The following PPARGC1A variants were observed in gnomAD, a reference collection of about 807,000 sequenced individuals.
PPARGC1A encodes the protein PPARG coactivator 1 alpha, also known as peroxisome proliferator-activated receptor gamma coactivator 1-alpha.
PPARGC1A carries 25 observed loss-of-function variants against 88.7 expected under a neutral mutation model. That is an observed-to-expected ratio of 0.28 (90% CI 0.21 to 0.39). The LOEUF is 0.39. PPARGC1A is among the 10% of genes least tolerant of loss of function. The probability of loss-of-function intolerance (pLI) is 1.00; values close to 1 mark genes in which losing one functional copy is unlikely to be tolerated. For synonymous variants in PPARGC1A, 363 were observed against 355.6 expected (o/e 1.02, Z -0.24); for missense variants, 880 against 968.7 (o/e 0.91, Z 1.22).
the PPARGC1A span, among the ~76,000 whole-genome samples, chr4:23,998,073 G>A: frequency 6.6e-6 from 1 of 152,126 alleles, no homozygotes; most frequent in East Asian, 1.9e-4. Flanking sequence ...TGGCTAATAC[G>A]ACCTCAGTTC....
rs564696082 is a variant in PPARGC1A, at chr4:23,832,341, C to T, written c.235-590G>A. On this transcript the variant is annotated intron_variant, in intron 2 of 12. Transcript: ENST00000264867. ...CTCTCCCAACTTTAGTCATAAATCT[C>T]GAACTGCCTACTGGACACTTCTACT... Among the ~76,000 whole-genome samples the T allele has an allele frequency of 4.6e-5, 7 of 152,240 alleles. No homozygotes were observed. The East Asian group carries it at 1.2e-3, about 25-fold the overall frequency.
At chr4:24,443,941 T>C in the PPARGC1A span, among the ~76,000 whole-genome samples, 1 of 152,198 alleles carries the variant, frequency 6.6e-6, no homozygotes, top group Non-Finnish European at 1.5e-5. Flanking sequence ...AAGAGTCTAC[T>C]ACACTTGCCC....
At chr4:23,844,307 C>CGTATT (rs1383963401) in intron 2 of PPARGC1A, among the ~76,000 whole-genome samples, 2 of 40,238 alleles carry the variant, frequency 5.0e-5, no homozygotes, top group South Asian at 1.7e-3. Flanking sequence ...TACATGACAA[C>CGTATT]ATATTATATT....
At chr4:24,150,537 A>C in the PPARGC1A span, among the ~76,000 whole-genome samples, 1 of 152,154 alleles carries the variant, frequency 6.6e-6, no homozygotes, top group Non-Finnish European at 1.5e-5. Context: ...ACTCCTTTGA[A>C]ATATTACAAC....
intron 2 of PPARGC1A, among the ~76,000 whole-genome samples, chr4:23,832,410 T>A (rs1284242019): frequency 1.3e-5 from 2 of 152,092 alleles, no homozygotes; most frequent in Admixed American, 1.3e-4. Context: ...TCTATACCTT[T>A]CACAACAAAA....
the PPARGC1A span, among the ~76,000 whole-genome samples, chr4:24,469,524 C>A: frequency 6.6e-6 from 1 of 152,164 alleles, no homozygotes; most frequent in South Asian, 2.1e-4. Context: ...CATACCACAC[C>A]ACTGGAAGAA....
chr4:24,088,363 A>AAAAAAAG, the PPARGC1A span, among the ~76,000 whole-genome samples: 1 of 152,082 alleles, frequency 6.6e-6, no homozygotes, highest in African/African-American at 2.4e-5. Context: ...TGCTATCTAA[A>AAAAAAAG]AAAAAAGAAA....
the PPARGC1A span, among the ~76,000 whole-genome samples, chr4:24,453,437 G>A: frequency 6.6e-6 from 1 of 152,232 alleles, no homozygotes; most frequent in Non-Finnish European, 1.5e-5. Flanking sequence ...AAAGGAGAAG[G>A]AAAGCAAGAG....
chr4:23,948,908 T>G, the PPARGC1A span, among the ~76,000 whole-genome samples: 1 of 152,084 alleles, frequency 6.6e-6, no homozygotes, highest in Non-Finnish European at 1.5e-5. Flanking sequence ...CTGAATGGGC[T>G]TCTTCCTCAA....
chr4:24,471,926 G>A, the PPARGC1A span, among the ~76,000 whole-genome samples: 6 of 152,212 alleles, frequency 3.9e-5, no homozygotes, highest in Non-Finnish European at 8.8e-5. The surrounding 1 kb of genome is among the most constrained non-coding windows in gnomAD (Gnocchi z 5.4). Context: ...GTGGAGGGGG[G>A]ACAGCACGTC....
At chr4:23,902,812 T>C (rs1376319792), upstream of PPARGC1A, among the ~76,000 whole-genome samples, 4 of 152,224 alleles carry the variant, frequency 2.6e-5, no homozygotes, top group African/African-American at 9.6e-5. Context: ...GCATTTATAA[T>C]GTAGCTTTAG....
the PPARGC1A span, among the ~76,000 whole-genome samples, chr4:24,199,851 A>G: frequency 6.6e-6 from 1 of 152,142 alleles, no homozygotes; most frequent in African/African-American, 2.4e-5. Context: ...CAGTCAAGCC[A>G]TTTCACTTCT....
the PPARGC1A span, among the ~76,000 whole-genome samples, chr4:24,094,146 G>GCA: frequency 6.6e-6 from 1 of 152,126 alleles, no homozygotes; most frequent in African/African-American, 2.4e-5. Flanking sequence ...TAACACAGAG[G>GCA]CAGACAGGAA....
the PPARGC1A span, among the ~76,000 whole-genome samples, chr4:24,242,172 C>G: frequency 6.6e-6 from 1 of 152,184 alleles, no homozygotes. Context: ...ACCTCCACAC[C>G]ACAGCCGAGT....
the PPARGC1A span, among the ~76,000 whole-genome samples, chr4:24,459,706 C>A: frequency 2.0e-5 from 3 of 152,186 alleles, no homozygotes; most frequent in Non-Finnish European, 4.4e-5. Context: ...GGGAGACTTG[C>A]TTGAGCCCCA....
chr4:24,128,091 C>T, the PPARGC1A span, among the ~76,000 whole-genome samples: 1 of 152,104 alleles, frequency 6.6e-6, no homozygotes, highest in Admixed American at 6.5e-5. Context: ...TATATATCTG[C>T]GGAAAGGAGG....
chr4:24,120,518 G>A, the PPARGC1A span, among the ~76,000 whole-genome samples: 1 of 152,158 alleles, frequency 6.6e-6, no homozygotes, highest in Non-Finnish European at 1.5e-5. Flanking sequence ...CCATTTTATA[G>A]ATGAGAAAAT....
chr4:23,821,746 C>A (rs1455291639), intron 7 of PPARGC1A, among the ~76,000 whole-genome samples: 1 of 151,794 alleles, frequency 6.6e-6, no homozygotes, highest in Non-Finnish European at 1.5e-5. Context: ...GGTATTGTAA[C>A]CATCTTCATA....
At chr4:23,837,680 G>A (rs1319458319) in intron 2 of PPARGC1A, among the ~76,000 whole-genome samples, 1 of 152,142 alleles carries the variant, frequency 6.6e-6, no homozygotes, top group East Asian at 1.9e-4. Context: ...GTAACATCTG[G>A]TAATGTATTC....
Sources: gnomAD v4.1 joint callset for allele counts (sites outside exome capture counted in the v4.1 genomes callset) on GRCh38, gnomAD v4.1.1 for gene constraint, Gnocchi (gnomAD v3.1) non-coding constraint, MANE v1.5 for transcripts, NCBI Gene and HGNC (gene_info 2026-07-23, HGNC 2026-07-21) for gene names.